Variants in XDH observed in about 807,000 individuals in gnomAD.
XDH encodes the protein xanthine dehydrogenase/oxidase.
Under a neutral mutation model 156.1 loss-of-function variants are expected in XDH, and 138 were observed. The observed-to-expected ratio is 0.88, with a 90% CI of 0.77 to 1.02. The LOEUF is 1.02. XDH is among the 50% of genes least tolerant of loss of function. The pLI is 0.00. For synonymous variants in XDH, 669 were observed against 625.7 expected, an observed-to-expected ratio of 1.07 and a Z score of -1.03; for missense variants, 1,849 against 1,684.9, an observed-to-expected ratio of 1.10 and a Z score of -1.71.
rs534339331 is a variant in XDH at position 31,390,164 on chromosome 2, G to A, written c.496-1869C>T. Among the ~76,000 whole-genome samples, 8 of 152,256 alleles carry A rather than the reference G, an allele frequency of 5.3e-5. No individual in the cohort carries two copies. The South Asian group carries it at 1.7e-3, about 32-fold the overall frequency. On this transcript the variant is annotated intron_variant, in intron 6 of 35. Coordinates refer to ENST00000379416, the MANE Select transcript of XDH (RefSeq NM_000379.4). ...CTGCCCTAAAAAACCTCTGTACCCT[G>A]ACTATTCATCCCTCTGTTTCCCCTA...
chr2:31,381,049 G>T (rs1020261707), intron 12 of XDH, among the ~76,000 whole-genome samples: 2 of 152,084 alleles, frequency 1.3e-5, no homozygotes, highest in African/African-American at 4.8e-5. Context: ...AGGCTGGAGT[G>T]CAGTGGTGAG....
rs139120466 is a variant in XDH at position 31,346,779 on chromosome 2, C to T, written c.3341G>A (p.Trp1114Ter). 6.2e-7 allele frequency: 1 copy of T among 1,614,020 alleles called. No homozygotes were observed. Among genetic ancestry groups the T allele is most frequent in the Non-Finnish European group, 8.5e-7 (1 of 1,180,030 alleles). ...PYKKKNPSGS[W>*]EDWVTAAYMD... is the part of the protein sequence containing the mutation. Reference sequence around the variant, plus strand: ...TCAGCTCAGACTTACCCAGTCTTCCCAGGAGCCACTGGGATTCTTCTTCTT... The same window carrying T: ...TCAGCTCAGACTTACCCAGTCTTCCTAGGAGCCACTGGGATTCTTCTTCTT... The change falls in exon 30 of 36, where the codon TGG becomes TAG. Residue 1114 changes from tryptophan to a stop codon, truncating the protein, a stop_gained. Transcript: ENST00000379416. LOFTEE classifies it high-confidence loss of function.
At chr2:31,361,036 G>C (rs575263410) in intron 24 of XDH, among the ~76,000 whole-genome samples, 1 of 152,346 alleles carries the variant, frequency 6.6e-6, no homozygotes, top group East Asian at 1.9e-4. Flanking sequence ...CAGAGGTATA[G>C]TTTTGTTTCA....
At chr2:31,336,454 G>T (rs1684972084) in intron 35 of XDH, among the ~76,000 whole-genome samples, 1 of 152,068 alleles carries the variant, frequency 6.6e-6, no homozygotes, top group African/African-American at 2.4e-5. Flanking sequence ...AGCTCGCCTT[G>T]CAAACTGTGG....
intron 12 of XDH, among the ~76,000 whole-genome samples, chr2:31,381,022 G>A (rs146413511): frequency 2.5e-4 from 38 of 151,996 alleles, no homozygotes; most frequent in African/African-American, 8.9e-4. Context: ...TTGAGACAGG[G>A]TCTCACTCTG....
chr2:31,353,944 T>C (rs1277683164), intron 24 of XDH, among the ~76,000 whole-genome samples: 1 of 152,194 alleles, frequency 6.6e-6, no homozygotes, highest in Admixed American at 6.5e-5. Flanking sequence ...CTACACCTTA[T>C]GATGGAGTCA....
chr2:31,397,465 T>G (rs1382208857), intron 6 of XDH, among the ~76,000 whole-genome samples: 3 of 152,168 alleles, frequency 2.0e-5, no homozygotes, highest in Non-Finnish European at 4.4e-5. Context: ...GAAAGTCCCA[T>G]GCTATTCATA....
In XDH at chr2:31,366,898, A is replaced by G. The variant is rs1437888982; in HGVS notation, c.2294T>C (p.Val765Ala). ...GGTCTTCATGGTGTTCTGTGTAGAC[A>G]CAAAGAGCTCCATCTCCCCTGCCTC... ...KGEAGEMELF[V>A]STQNTMKTQS... Residue 765 changes from valine (V) to alanine (A), a missense_variant, in exon 21 of 36, where the codon GTG (valine) becomes GCG (alanine). Transcript: ENST00000379416. 2 of 1,614,192 alleles carry G rather than the reference A, an allele frequency of 1.2e-6. No homozygotes were observed. The highest frequency in any genetic ancestry group is 1.7e-5 in the Admixed American group (1 of 60,028).
At chr2:31,407,670 A>G (rs1201433815) in intron 1 of XDH, among the ~76,000 whole-genome samples, 3 of 152,176 alleles carry the variant, frequency 2.0e-5, no homozygotes, top group Admixed American at 1.3e-4. Flanking sequence ...TTACAATAGT[A>G]CCAATTAAAG....
chr2:31,369,923 T>A (rs1025069963), intron 18 of XDH, among the ~76,000 whole-genome samples: 6 of 152,244 alleles, frequency 3.9e-5, no homozygotes, highest in Non-Finnish European at 5.9e-5. Flanking sequence ...TGAAAAATTT[T>A]GTTTGTTGTT....
At chr2:31,386,603 C>A in intron 8 of XDH, 48 bp from the exon 9 acceptor site, 1 of 1,612,802 alleles carries the variant, frequency 6.2e-7, no homozygotes, top group South Asian at 1.1e-5. Flanking sequence ...TTCCTACTGT[C>A]ATTCCTCTTA....
At chr2:31,353,127 T>G (rs1425025898) in intron 24 of XDH, among the ~76,000 whole-genome samples, 1 of 152,098 alleles carries the variant, frequency 6.6e-6, no homozygotes, top group Non-Finnish European at 1.5e-5. Context: ...CAAAATAAAT[T>G]TGTTAATTCT....
At position 31,341,429 on chromosome 2, in the gene XDH, G is replaced by A. The variant is rs751223626; in HGVS notation, c.3520-35C>T. The A allele has an allele frequency of 3.2e-6, 5 of 1,551,964 alleles. No individual in the cohort carries two copies. In the African/African-American group the frequency reaches 4.1e-5, roughly 13 times the overall value. ...ACAGCAAAATTACAAGAAGTTAGAG[G>A]AGGAAAAGATGTTTGGAATATGACA... On this transcript the variant is annotated intron_variant, in intron 32 of 35. Coordinates refer to ENST00000379416, the MANE Select transcript of XDH (RefSeq NM_000379.4).
chr2:31,357,797 T>G (rs991464625), intron 24 of XDH, among the ~76,000 whole-genome samples: 5 of 152,116 alleles, frequency 3.3e-5, no homozygotes, highest in Non-Finnish European at 7.4e-5. Context: ...ATACACTGTA[T>G]GCCTGTATCA....
At chr2:31,374,393 G>A (rs1451394538) in intron 15 of XDH, among the ~76,000 whole-genome samples, 1 of 152,152 alleles carries the variant, frequency 6.6e-6, no homozygotes, top group Non-Finnish European at 1.5e-5. Context: ...GTGGTCCCAA[G>A]TCTATTTAGA....
chr2:31,337,968 A>G, intron 34 of XDH, 151 bp from the exon 35 acceptor site: 1 of 736,444 alleles, frequency 1.4e-6, no homozygotes. Context: ...CAAATACAGC[A>G]GGAAGGCACA....
chr2:31,391,730 A>G (rs1686768998), intron 6 of XDH, among the ~76,000 whole-genome samples: 1 of 152,244 alleles, frequency 6.6e-6, no homozygotes, highest in Non-Finnish European at 1.5e-5. Context: ...TTCATACCTA[A>G]GTATTACATT....
chr2:31,370,333 T>C lies in XDH; in HGVS notation c.1980+22A>G, dbSNP rs774507985. 6.2e-6 allele frequency: 10 copies of C among 1,613,556 alleles called. No individual in the cohort carries two copies. In the Admixed American group the frequency reaches 1.0e-4, roughly 16 times the overall value. On this transcript the variant is annotated intron_variant, in intron 18 of 35. Coordinates refer to ENST00000379416, the MANE Select transcript of XDH (RefSeq NM_000379.4). ...TTCAATACTTATTCAATTTACTTCA[T>C]ATAAAAAAATCCAAGACTTACCTTA...
rs747410096 is a variant in XDH, at chr2:31,398,670, C to T, written c.336G>A (p.Gln112=). The part of the protein sequence containing the change: ...QERIAKSHGS[Q]CGFCTPGIVM... Reference sequence around the variant, plus strand: ...CGATGCCAGGGGTGCAGAACCCGCACTGGGAGCCGTGGCTTTTGGCAATTC... The same window carrying T: ...CGATGCCAGGGGTGCAGAACCCGCATTGGGAGCCGTGGCTTTTGGCAATTC... Residue 112 remains glutamine, a synonymous_variant, in exon 5 of 36, where the codon CAG becomes CAA. Coordinates refer to ENST00000379416, the MANE Select transcript of XDH (RefSeq NM_000379.4). 22 of 1,614,050 alleles carry T rather than the reference C, an allele frequency of 1.4e-5. No homozygotes were observed. Among genetic ancestry groups the T allele is most frequent in the East Asian group, 1.1e-4 (5 of 44,884 alleles).
Sources: allele counts gnomAD v4.1 joint callset (sites outside exome capture counted in the v4.1 genomes callset), GRCh38; gene constraint gnomAD v4.1.1; transcripts MANE v1.5; gene names NCBI Gene and HGNC (gene_info 2026-07-23, HGNC 2026-07-21).